DLGAP1: variants seen among roughly 807,000 people sequenced by gnomAD.
DLGAP1 encodes the protein DLG associated protein 1, also known as disks large-associated protein 1.
In DLGAP1, 11 loss-of-function variants were observed where a neutral mutation model predicts 90.8. The ratio of observed to expected loss-of-function variants is 0.12; its 90% confidence interval spans 0.08 to 0.20. DLGAP1 has a LOEUF of 0.20. Ranked by LOEUF, DLGAP1 falls within the 10% of genes least tolerant of loss-of-function variation. DLGAP1 has a pLI of 1.00. For synonymous variants in DLGAP1, 558 were observed against 540.7 expected, an observed-to-expected ratio of 1.03 and a Z score of -0.44; for missense variants, 1,050 against 1,333.8, an observed-to-expected ratio of 0.79 and a Z score of 3.31.
intron 1 of DLGAP1, among the ~76,000 whole-genome samples, chr18:4,411,714 G>T (rs933123697): frequency 6.6e-6 from 1 of 152,120 alleles, no homozygotes; most frequent in Admixed American, 6.6e-5. Context: ...CATGCAACTG[G>T]CATTGGATTC....
At chr18:3,782,613 T>A (rs78105744) in intron 5 of DLGAP1, among the ~76,000 whole-genome samples, 55 of 152,310 alleles carry the variant, frequency 3.6e-4, no homozygotes, top group African/African-American at 1.1e-3. Flanking sequence ...TGGCAATGAC[T>A]CACCAAAGTC....
At chr18:4,305,483 G>T (rs576139382) in intron 1 of DLGAP1, among the ~76,000 whole-genome samples, 36,029 of 146,992 alleles carry the variant, frequency 0.25, 6,453 homozygotes, top group African/African-American at 0.51. Context: ...GCAGTGAGCC[G>T]AGATCGTGGC....
At chr18:4,298,904 AC>A (rs1302958495) in intron 1 of DLGAP1, among the ~76,000 whole-genome samples, 1 of 151,952 alleles carries the variant, frequency 6.6e-6, no homozygotes, top group Non-Finnish European at 1.5e-5. Context: ...ACATGGTGAA[AC>A]CCCGTCTCTA....
At chr18:4,222,789 T>C (rs562764482) in intron 1 of DLGAP1, among the ~76,000 whole-genome samples, 13 of 149,576 alleles carry the variant, frequency 8.7e-5, no homozygotes, top group Non-Finnish European at 1.9e-4. Context: ...AGAATAATGA[T>C]AGACAAGAAA....
intron 9 of DLGAP1, among the ~76,000 whole-genome samples, chr18:3,545,164 C>T (rs2069928743): frequency 6.6e-6 from 1 of 151,856 alleles, no homozygotes; most frequent in Admixed American, 6.6e-5. Flanking sequence ...ATCCCAGCTA[C>T]TCTGGAGGCC....
At chr18:4,122,725 G>A (rs1481660944) in intron 2 of DLGAP1, among the ~76,000 whole-genome samples, 3 of 152,162 alleles carry the variant, frequency 2.0e-5, no homozygotes, top group Non-Finnish European at 4.4e-5. Context: ...GGGAGAATGA[G>A]ACCTGAGACC....
intron 3 of DLGAP1, among the ~76,000 whole-genome samples, chr18:3,987,043 C>T (rs1226395445): frequency 6.6e-6 from 1 of 152,126 alleles, no homozygotes; most frequent in Non-Finnish European, 1.5e-5. Flanking sequence ...AAATAGCGCT[C>T]GTTTCCAGGT....
At chr18:4,126,110 G>A (rs2076229694) in intron 2 of DLGAP1, among the ~76,000 whole-genome samples, 3 of 152,220 alleles carry the variant, frequency 2.0e-5, no homozygotes, top group Admixed American at 2.0e-4. Context: ...ACCTGGCCAA[G>A]GCAGCCTGCA....
intron 1 of DLGAP1, among the ~76,000 whole-genome samples, chr18:4,277,142 G>C (rs1487842720): frequency 3.3e-5 from 5 of 152,160 alleles, no homozygotes; most frequent in Non-Finnish European, 7.3e-5. Flanking sequence ...TGATTTTCCT[G>C]TGTATACACG....
intron 2 of DLGAP1, among the ~76,000 whole-genome samples, chr18:4,086,618 T>C (rs1332750843): frequency 6.6e-6 from 1 of 152,140 alleles, no homozygotes; most frequent in African/African-American, 2.4e-5. Flanking sequence ...TCTGTTTTTG[T>C]TTTTTTAATC....
In DLGAP1 at chr18:4,208,806, G is replaced by C. The variant is rs184770438; in HGVS notation, c.-266-57519C>G. On this transcript the variant is annotated intron_variant, in intron 1 of 12. Coordinates refer to ENST00000315677, the MANE Select transcript of DLGAP1 (RefSeq NM_004746.4). ...GAGGAAAAGGGAGAAGGAGAGGTTG[G>C]GGGGGTGGAGAGAGAGAGAATGAAT... 1.4e-3 allele frequency among the ~76,000 whole-genome samples: 220 copies of C among 151,986 alleles called. 2 individuals are homozygous for C. Among genetic ancestry groups the C allele is most frequent in the African/African-American group, 3.8e-3 (159 of 41,446 alleles).
chr18:4,005,584 A>T (rs572314251), intron 2 of DLGAP1, among the ~76,000 whole-genome samples: 2 of 152,326 alleles, frequency 1.3e-5, no homozygotes, highest in East Asian at 3.9e-4. Context: ...ATGGAGAGAT[A>T]GGTTAGTGCC....
At chr18:4,187,187 T>A (rs9967266) in intron 1 of DLGAP1, among the ~76,000 whole-genome samples, 1 of 151,920 alleles carries the variant, frequency 6.6e-6, no homozygotes. Flanking sequence ...ATAGAACCAT[T>A]TCATCGGCAA....
intron 1 of DLGAP1, among the ~76,000 whole-genome samples, chr18:4,437,993 A>C (rs528011410): frequency 2.0e-4 from 30 of 152,302 alleles, no homozygotes; most frequent in Non-Finnish European, 3.7e-4. Flanking sequence ...AGGTTATGTT[A>C]AGGTAGAGAA....
intron 2 of DLGAP1, among the ~76,000 whole-genome samples, chr18:4,007,394 G>A (rs1035034965): frequency 6.6e-6 from 1 of 152,192 alleles, no homozygotes; most frequent in African/African-American, 2.4e-5. Context: ...AGTGGCTCAC[G>A]CCTGTAATCC....
rs1038754506 is a variant in DLGAP1 at position 3,653,648 on chromosome 18, GT to G, written c.1592-71401del. On this transcript the variant is annotated intron_variant, in intron 7 of 12. Transcript: ENST00000315677. This position sits in a 1 kb window ranked among gnomAD's most constrained non-coding sequence, Gnocchi z 4.6. ...GGAGTGGCAAATGGAATCTTGGTTT[GT>G]TTTTCTCTTAGGACTTTGACAATTA... 1 of 152,160 alleles carries G rather than the reference GT, an allele frequency of 6.6e-6. No individual in the cohort carries two copies. The highest frequency in any genetic ancestry group is 2.4e-5 in the African/African-American group (1 of 41,452). The allele number at this position is 152,160 out of a possible 1,614,324, so 9.4% of individuals were successfully genotyped here. A position where few individuals can be genotyped will look rare whatever the true frequency, so the allele number is the denominator to read the frequency against.
At chr18:3,601,690 A>G (rs1328928514) in intron 7 of DLGAP1, among the ~76,000 whole-genome samples, 1 of 151,850 alleles carries the variant, frequency 6.6e-6, no homozygotes, top group East Asian at 1.9e-4. Flanking sequence ...CAAAAATACA[A>G]ATAAATTAGC....
intron 10 of DLGAP1, among the ~76,000 whole-genome samples, chr18:3,512,968 C>T (rs1027063364): frequency 1.3e-5 from 2 of 152,190 alleles, no homozygotes; most frequent in African/African-American, 4.8e-5. Context: ...CAGCAGATCT[C>T]GAGAACTTAT....
intron 9 of DLGAP1, among the ~76,000 whole-genome samples, chr18:3,546,171 C>G (rs2053002100): frequency 6.6e-6 from 1 of 152,100 alleles, no homozygotes; most frequent in Non-Finnish European, 1.5e-5. Context: ...CGCCTGTAAC[C>G]TCAGCAGTTG....
Sources: allele counts gnomAD v4.1 joint callset (sites outside exome capture counted in the v4.1 genomes callset), GRCh38; gene constraint gnomAD v4.1.1; non-coding constraint Gnocchi (gnomAD v3.1); transcripts MANE v1.5; gene names NCBI Gene and HGNC (gene_info 2026-07-23, HGNC 2026-07-21).